The following RASAL2 variants were observed in gnomAD, a reference collection of about 807,000 sequenced individuals.
RASAL2 encodes ras GTPase-activating protein nGAP.
A neutral mutation model predicts 128.9 loss-of-function variants in RASAL2; 58 were observed. The observed-to-expected ratio is 0.45, with a 90% CI of 0.36 to 0.56. The LOEUF (loss-of-function observed/expected upper bound fraction) is 0.56, where lower values mean the gene tolerates loss of function less well. Among genes scored for constraint, RASAL2 ranks in the 20% least tolerant of loss-of-function variants. The probability of loss-of-function intolerance (pLI) is 0.00; values close to 1 mark genes in which losing one functional copy is unlikely to be tolerated. For missense variants in RASAL2, 1,360 were observed against 1,601.6 expected (o/e 0.85, Z 2.57); for synonymous variants, 561 against 580.8 (o/e 0.97, Z 0.49).
chr1:178,132,202 G>A (rs1172707774), intron 1 of RASAL2, among the ~76,000 whole-genome samples: 1 of 151,414 alleles, frequency 6.6e-6, no homozygotes, highest in Non-Finnish European at 1.5e-5. Flanking sequence ...CACTATGCCT[G>A]GCTAATTTAA....
chr1:178,453,125 AG>A (rs2102890177), intron 11 of RASAL2, among the ~76,000 whole-genome samples: 1 of 152,236 alleles, frequency 6.6e-6, no homozygotes, highest in Non-Finnish European at 1.5e-5. Context: ...AAAATGCAAA[AG>A]ATGGAGGGGG....
chr1:178,473,209 G>A lies in RASAL2; in HGVS notation c.3813G>A (p.Glu1271=), dbSNP rs1267750414. The A allele has an allele frequency of 6.2e-7, 1 of 1,614,194 alleles. No individual in the cohort carries two copies. Among genetic ancestry groups the A allele is most frequent in the East Asian group, 2.2e-5 (1 of 44,886 alleles). The change falls in exon 18 of 18, where the codon GAG becomes GAA. Residue 1271 remains glutamate, a synonymous_variant. Coordinates refer to ENST00000367649, the MANE Select transcript of RASAL2 (RefSeq NM_170692.4). ...PTNPTKLSIT[E]NGEFKNSSC ...ACCCCACCAAGCTTTCCATCACGGA[G>A]AATGGTGAATTCAAAAACAGCAGCT...
At chr1:178,450,507 G>A (rs750902723) in intron 9 of RASAL2, among the ~76,000 whole-genome samples, 3 of 151,980 alleles carry the variant, frequency 2.0e-5, no homozygotes, top group Non-Finnish European at 4.4e-5. Context: ...CTCCTGTCAC[G>A]GGTATTTTTA....
intron 4 of RASAL2, among the ~76,000 whole-genome samples, chr1:178,393,457 C>G (rs1446832910): frequency 1.3e-5 from 2 of 152,144 alleles, no homozygotes; most frequent in African/African-American, 4.8e-5. Context: ...CTATGAGAAT[C>G]TAATGCCACC....
intron 3 of RASAL2, among the ~76,000 whole-genome samples, chr1:178,372,695 T>C (rs1169351148): frequency 5.3e-5 from 8 of 152,080 alleles, no homozygotes; most frequent in Non-Finnish European, 1.5e-5. Context: ...AGAGTGGGAG[T>C]AGGCTTTGTG....
At position 178,439,543 on chromosome 1, in the gene RASAL2, A is replaced by G. The variant is rs1249412988; in HGVS notation, c.796A>G (p.Ser266Gly). The change falls in exon 6 of 18, where the codon AGT becomes GGT. Residue 266 changes from serine (S) to glycine (G), a missense_variant. Transcript: ENST00000367649. ...GEPVSVKPLH[S>G]SILGQDFCFE... is the part of the protein sequence containing the mutation. ...ACCTGTATCAGTGAAACCACTTCATAGTAGCATCCTTGGACAAGACTTCTG... is the reference window on the plus strand; with the variant it reads ...ACCTGTATCAGTGAAACCACTTCATGGTAGCATCCTTGGACAAGACTTCTG... 2.5e-6 allele frequency: 4 copies of G among 1,612,746 alleles called. No homozygotes were observed. Among genetic ancestry groups the G allele is most frequent in the South Asian group, 2.2e-5 (2 of 90,986 alleles).
Position 178,443,178 on chromosome 1 carries a change from G to C in RASAL2, c.1431G>C (p.Glu477Asp). 6.2e-7 allele frequency: 1 copy of C among 1,613,696 alleles called. No individual in the cohort carries two copies. Among genetic ancestry groups the C allele is most frequent in the Non-Finnish European group, 8.5e-7 (1 of 1,179,712 alleles). ...CAGTAATTAGTGTGAGAAATAAAGAGGAGTTGGCTTGTGCCTTAGTGCACA... is the reference window on the plus strand; with the variant it reads ...CAGTAATTAGTGTGAGAAATAAAGACGAGTTGGCTTGTGCCTTAGTGCACA... ...LEPVISVRNK[E>D]ELACALVHIL... Residue 477 changes from glutamate to aspartate, a missense_variant, in exon 8 of 18, where the codon GAG becomes GAC. Coordinates refer to ENST00000367649, the MANE Select transcript of RASAL2 (RefSeq NM_170692.4).
intron 8 of RASAL2, among the ~76,000 whole-genome samples, chr1:178,443,456 T>C (rs2102851010): frequency 6.6e-6 from 1 of 152,288 alleles, no homozygotes; most frequent in Middle Eastern, 3.4e-3. Flanking sequence ...GCATGAAACA[T>C]AGATAACACA....
At chr1:178,467,245 A>G (rs1487328047) in intron 16 of RASAL2, 89 bp from the exon 17 acceptor site, 2 of 995,608 alleles carry the variant, frequency 2.0e-6, no homozygotes, top group African/African-American at 3.2e-5. Context: ...TCTTATTAAA[A>G]AGGGCAGAGG....
chr1:178,441,127 G>T (rs942950546), intron 6 of RASAL2, among the ~76,000 whole-genome samples: 2 of 139,424 alleles, frequency 1.4e-5, no homozygotes, highest in African/African-American at 5.4e-5. Context: ...GCAAAAAGCA[G>T]ATGTAGATGT....
chr1:178,285,050 A>C, intron 2 of RASAL2, among the ~76,000 whole-genome samples: 1 of 147,676 alleles, frequency 6.8e-6, no homozygotes, highest in African/African-American at 2.5e-5. Context: ...TAACAATACT[A>C]CCAATAAAAC....
intron 3 of RASAL2, among the ~76,000 whole-genome samples, chr1:178,300,656 G>T (rs1443809806): frequency 6.6e-6 from 1 of 152,082 alleles, no homozygotes; most frequent in African/African-American, 2.4e-5. Context: ...TTTCCAGTAA[G>T]GTTACTAAAG....
At chr1:178,223,033 A>G (rs566300742) in intron 1 of RASAL2, among the ~76,000 whole-genome samples, 1 of 152,306 alleles carries the variant, frequency 6.6e-6, no homozygotes, top group East Asian at 1.9e-4. Flanking sequence ...TCTTCATGGT[A>G]TCAGAGATAA....
intron 1 of RASAL2, among the ~76,000 whole-genome samples, chr1:178,263,111 G>A (rs943822946): frequency 3.3e-5 from 5 of 152,078 alleles, no homozygotes; most frequent in African/African-American, 1.2e-4. Flanking sequence ...CCAAGGAAAG[G>A]TTTATTTACA....
At chr1:178,354,953 A>G (rs1670722105) in intron 3 of RASAL2, among the ~76,000 whole-genome samples, 1 of 152,192 alleles carries the variant, frequency 6.6e-6, no homozygotes, top group Non-Finnish European at 1.5e-5. Flanking sequence ...GATAAGCCCC[A>G]TCTCTACAAA....
chr1:178,140,059 T>C (rs1225597825), intron 1 of RASAL2, among the ~76,000 whole-genome samples: 2 of 152,176 alleles, frequency 1.3e-5, no homozygotes, highest in African/African-American at 4.8e-5. Context: ...AGTTCTATAT[T>C]ATTCTAAAAC....
At chr1:178,252,603 T>C (rs545375459) in intron 1 of RASAL2, among the ~76,000 whole-genome samples, 27 of 152,112 alleles carry the variant, frequency 1.8e-4, no homozygotes, top group Non-Finnish European at 3.8e-4. Context: ...GAAAGAGAAA[T>C]GAAATAGAAA....
intron 1 of RASAL2, among the ~76,000 whole-genome samples, chr1:178,109,642 A>T (rs2102240955): frequency 6.6e-6 from 1 of 152,288 alleles, no homozygotes; most frequent in South Asian, 2.1e-4. Flanking sequence ...GCAGTTCTTA[A>T]AAATCTGTGA....
chr1:178,176,015 A>C (rs569412906), intron 1 of RASAL2, among the ~76,000 whole-genome samples: 1 of 152,308 alleles, frequency 6.6e-6, no homozygotes, highest in African/African-American at 2.4e-5. Context: ...AACAATAAAC[A>C]TACATATACA....
Sources: allele counts gnomAD v4.1 joint callset (sites outside exome capture counted in the v4.1 genomes callset), GRCh38; gene constraint gnomAD v4.1.1; transcripts MANE v1.5; gene names NCBI Gene and HGNC (gene_info 2026-07-23, HGNC 2026-07-21).